PTCHD4: variants seen among roughly 807,000 people sequenced by gnomAD.
PTCHD4 encodes the protein patched domain-containing protein 4.
PTCHD4 carries 33 observed loss-of-function variants against 58.1 expected under a neutral mutation model. That is an observed-to-expected ratio of 0.57 (90% confidence interval 0.43 to 0.76). The LOEUF is 0.76. Ranked by LOEUF, PTCHD4 falls within the 30% of genes least tolerant of loss-of-function variation. PTCHD4 has a pLI of 0.00. For synonymous variants in PTCHD4, 478 were observed against 409.6 expected (o/e 1.17, Z -2.02); for missense variants, 1,058 against 1,027.1 (o/e 1.03, Z -0.41).
chr6:48,021,372 C>G (rs1379005961), intron 3 of PTCHD4, among the ~76,000 whole-genome samples: 2 of 152,058 alleles, frequency 1.3e-5, no homozygotes, highest in Admixed American at 1.3e-4. Context: ...ATGGTGTTTT[C>G]TTTTCAAAGA....
At chr6:48,102,324 G>A (rs1418159523) in intron 1 of PTCHD4, among the ~76,000 whole-genome samples, 2 of 152,180 alleles carry the variant, frequency 1.3e-5, no homozygotes, top group African/African-American at 4.8e-5. Context: ...GTTGCCTAAA[G>A]TCTTACAAAT....
chr6:48,025,116 A>T (rs1763198142), intron 3 of PTCHD4, among the ~76,000 whole-genome samples: 1 of 152,180 alleles, frequency 6.6e-6, no homozygotes, highest in Non-Finnish European at 1.5e-5. Flanking sequence ...AACATTCTTT[A>T]TAATACACTG....
At chr6:47,968,996 C>T (rs556691055) in intron 4 of PTCHD4, among the ~76,000 whole-genome samples, 11 of 152,240 alleles carry the variant, frequency 7.2e-5, no homozygotes, top group African/African-American at 2.6e-4. Flanking sequence ...AGTAAAAATA[C>T]AGTTTCTGAT....
At chr6:48,096,911 CT>C (rs1398144590) in intron 1 of PTCHD4, among the ~76,000 whole-genome samples, 6 of 151,980 alleles carry the variant, frequency 3.9e-5, no homozygotes, top group Non-Finnish European at 7.4e-5. Context: ...ACTGTTTCAA[CT>C]GAAAATTTTG....
chr6:47,963,276 C>A (rs1042702109), intron 4 of PTCHD4, among the ~76,000 whole-genome samples: 1 of 151,708 alleles, frequency 6.6e-6, no homozygotes, highest in African/African-American at 2.4e-5. Context: ...ACAAAACCAC[C>A]ATGAGATATC....
chr6:47,915,400 C>A (rs773855263), intron 4 of PTCHD4, among the ~76,000 whole-genome samples: 1 of 151,998 alleles, frequency 6.6e-6, no homozygotes, highest in African/African-American at 2.4e-5. Flanking sequence ...TTATGGAGAT[C>A]GCTTCAAGAT....
At chr6:47,950,498 G>C (rs911034724) in intron 4 of PTCHD4, among the ~76,000 whole-genome samples, 4 of 152,126 alleles carry the variant, frequency 2.6e-5, no homozygotes, top group Non-Finnish European at 5.9e-5. Flanking sequence ...TGAGGATAAA[G>C]AATCCAAGGA....
Position 48,019,553 on chromosome 6 carries a change from G to A in PTCHD4, c.418-10439C>T, listed in dbSNP as rs191302458. Among the ~76,000 whole-genome samples, 120 of 152,210 alleles carry A rather than the reference G, an allele frequency of 7.9e-4. 1 individual carries two copies. In the South Asian group the frequency reaches 0.012, roughly 15 times the overall value. ...AGATTGAGATCATCCTGGCTAACAT[G>A]GTGAAACCCTTTCTCTACTAAAAAT... is the stretch of plus-strand genomic sequence containing the variant. On this transcript the variant is annotated intron_variant, in intron 3 of 4. Coordinates refer to ENST00000339488, the MANE Select transcript of PTCHD4 (RefSeq NM_001384253.1).
At chr6:47,972,160 G>T (rs1356335704) in intron 4 of PTCHD4, among the ~76,000 whole-genome samples, 2 of 152,126 alleles carry the variant, frequency 1.3e-5, no homozygotes, top group Non-Finnish European at 2.9e-5. Flanking sequence ...GTAAAAGTGG[G>T]CTAAATCTTC....
chr6:47,957,249 T>TTATATATATATAA (rs1427310718), intron 4 of PTCHD4, among the ~76,000 whole-genome samples: 2 of 147,768 alleles, frequency 1.4e-5, no homozygotes, highest in Non-Finnish European at 3.0e-5. Flanking sequence ...TGGTTAAGGT[T>TTATATATATATAA]TATATATATA....
At position 47,858,377 on chromosome 6, in the gene PTCHD4, C is replaced by T. The variant is rs1317158415; in HGVS notation, c.*19926G>A. On this transcript the variant is annotated 3_prime_UTR_variant, in exon 5 of 5. Transcript: ENST00000339488. The stretch of plus-strand genomic sequence containing the variant: ...AGATATATTCAGCTTACCTTAACTT[C>T]AAGATTCAAGTGGATAAAAATATAA... Among the ~76,000 whole-genome samples the T allele has an allele frequency of 6.6e-6, 1 of 151,912 alleles. No homozygotes were observed. Among genetic ancestry groups the T allele is most frequent in the Non-Finnish European group, 1.5e-5 (1 of 67,940 alleles).
In PTCHD4 at chr6:48,056,615, A is replaced by G. The variant is rs534629965; in HGVS notation, c.417+11615T>C. On this transcript the variant is annotated intron_variant, in intron 3 of 4. Coordinates refer to ENST00000339488, the MANE Select transcript of PTCHD4 (RefSeq NM_001384253.1). ...CGGGTTTCTTAAGGCCAGAGTATAC[A>G]AAAGAGGTCATATTAAGAGTAACTT... 9.5e-4 allele frequency among the ~76,000 whole-genome samples: 145 copies of G among 152,372 alleles called. 1 individual carries two copies. The highest frequency in any genetic ancestry group is 6.8e-3 in the Middle Eastern group (2 of 294).
At chr6:47,888,279 C>A (rs1764256956) in intron 4 of PTCHD4, among the ~76,000 whole-genome samples, 1 of 152,116 alleles carries the variant, frequency 6.6e-6, no homozygotes, top group Non-Finnish European at 1.5e-5. Context: ...ATGGGGTGAA[C>A]CCGAGAGGCG....
At chr6:48,015,158 C>T (rs1376127949) in intron 3 of PTCHD4, among the ~76,000 whole-genome samples, 1 of 151,824 alleles carries the variant, frequency 6.6e-6, no homozygotes, top group Non-Finnish European at 1.5e-5. Flanking sequence ...TGCTAACATG[C>T]TGTTTTCAAT....
intron 4 of PTCHD4, among the ~76,000 whole-genome samples, chr6:47,979,871 A>C (rs1207329424): frequency 6.6e-6 from 1 of 152,072 alleles, no homozygotes; most frequent in East Asian, 1.9e-4. Context: ...GCTCATTCAT[A>C]TAGTTCTTTT....
chr6:47,883,246 A>T (rs974456622), intron 4 of PTCHD4, among the ~76,000 whole-genome samples: 7 of 152,120 alleles, frequency 4.6e-5, no homozygotes, highest in Non-Finnish European at 8.8e-5. Context: ...TCACTTAAGT[A>T]ATTCTGAGAC....
In PTCHD4 at chr6:47,876,139, C is replaced by G. The variant is rs963149227; in HGVS notation, c.*2164G>C. On this transcript the variant is annotated 3_prime_UTR_variant, in exon 5 of 5. Transcript: ENST00000339488. ...AAAACCTCCTCTGAAACTTCTACTT[C>G]AGATATGAGATCATGGTCTGGAGGC... Among the ~76,000 whole-genome samples the G allele has an allele frequency of 3.3e-5, 5 of 151,786 alleles. No homozygotes were observed. Among genetic ancestry groups the G allele is most frequent in the African/African-American group, 9.7e-5 (4 of 41,364 alleles).
chr6:48,037,259 G>A (rs1194624462), intron 3 of PTCHD4, among the ~76,000 whole-genome samples: 1 of 152,078 alleles, frequency 6.6e-6, no homozygotes, highest in African/African-American at 2.4e-5. Flanking sequence ...ATTAGTTATT[G>A]TCAATATATT....
At chr6:48,079,759 TG>T (rs1765127771) in intron 1 of PTCHD4, among the ~76,000 whole-genome samples, 1 of 151,914 alleles carries the variant, frequency 6.6e-6, no homozygotes, top group South Asian at 2.1e-4. Context: ...TGCCTATACC[TG>T]GGGTGGAGTG....
Sources: gnomAD v4.1 joint callset for allele counts (sites outside exome capture counted in the v4.1 genomes callset) on GRCh38, gnomAD v4.1.1 for gene constraint, MANE v1.5 for transcripts, NCBI Gene and HGNC (gene_info 2026-07-23, HGNC 2026-07-21) for gene names.